The following SIK3 variants were observed in gnomAD, a reference collection of about 807,000 sequenced individuals.
SIK3 encodes the protein serine/threonine-protein kinase SIK3.
In SIK3, 28 loss-of-function variants were observed where a neutral mutation model predicts 144.2. The ratio of observed to expected loss-of-function variants is 0.19; its 90% CI spans 0.14 to 0.27. The LOEUF (loss-of-function observed/expected upper bound fraction) is 0.27, where lower values mean the gene tolerates loss of function less well. Among genes scored for constraint, SIK3 ranks in the 10% least tolerant of loss-of-function variants. The pLI is 1.00. For synonymous variants in SIK3, 686 were observed against 676.3 expected (o/e 1.01, Z -0.22); for missense variants, 1,319 against 1,776.0 (o/e 0.74, Z 4.62).
chr11:117,062,915 T>C (rs1315817026), intron 1 of SIK3, among the ~76,000 whole-genome samples: 1 of 152,190 alleles, frequency 6.6e-6, no homozygotes, highest in Non-Finnish European at 1.5e-5. Flanking sequence ...GAAAAAAACA[T>C]ACGTATTAAA....
At chr11:117,020,211 G>A (rs982788951) in intron 1 of SIK3, among the ~76,000 whole-genome samples, 3 of 106,964 alleles carry the variant, frequency 2.8e-5, no homozygotes, top group Non-Finnish European at 3.7e-5. Flanking sequence ...CATGGGTCGC[G>A]GTGATATTTG....
chr11:116,966,945 C>CAGTG (rs1949571379), intron 1 of SIK3, among the ~76,000 whole-genome samples: 1 of 139,040 alleles, frequency 7.2e-6, no homozygotes, highest in Admixed American at 7.8e-5. Context: ...GTGGAGGTTG[C>CAGTG]AGTGAGTCAA....
intron 1 of SIK3, among the ~76,000 whole-genome samples, chr11:117,031,234 A>G (rs893567771): frequency 1.3e-5 from 2 of 152,028 alleles, no homozygotes; most frequent in African/African-American, 4.8e-5. Context: ...GCCTAGCTCT[A>G]TATCCTAAAC....
chr11:116,847,668 T>G (rs1942086668), intron 22 of SIK3, 60 bp from the exon 23 acceptor site: 6 of 1,604,590 alleles, frequency 3.7e-6, no homozygotes, highest in Non-Finnish European at 4.3e-6. Context: ...AGGCAACCCC[T>G]AGAGACAGCT....
chr11:117,013,381 A>G (rs1042653070), intron 1 of SIK3, among the ~76,000 whole-genome samples: 1 of 152,234 alleles, frequency 6.6e-6, no homozygotes, highest in East Asian at 1.9e-4. Flanking sequence ...AATCCTAGAT[A>G]GGCTGGGACC....
At chr11:116,953,930 T>A in intron 3 of SIK3, 114 bp downstream of exon 3, 1 of 708,282 alleles carries the variant, frequency 1.4e-6, no homozygotes. Flanking sequence ...AATGGCAGGA[T>A]TGAAGAACAG....
intron 6 of SIK3, among the ~76,000 whole-genome samples, chr11:116,894,511 T>C (rs901664066): frequency 6.6e-6 from 1 of 152,228 alleles, no homozygotes. Flanking sequence ...TTGCTCAGGA[T>C]AGAAACTCTG....
chr11:116,955,877 T>C (rs924755099), intron 2 of SIK3, among the ~76,000 whole-genome samples: 5 of 151,664 alleles, frequency 3.3e-5, no homozygotes, highest in African/African-American at 1.2e-4. Context: ...GCTCTAACGC[T>C]GTAGTTTTAA....
chr11:117,032,583 T>C (rs1435396228), intron 1 of SIK3, among the ~76,000 whole-genome samples: 2 of 152,080 alleles, frequency 1.3e-5, no homozygotes, highest in Non-Finnish European at 2.9e-5. Flanking sequence ...CATAGCTCAC[T>C]ACAACCTCAA....
At chr11:116,942,288 A>C (rs1591384008) in intron 3 of SIK3, among the ~76,000 whole-genome samples, 1 of 152,232 alleles carries the variant, frequency 6.6e-6, no homozygotes, top group South Asian at 2.1e-4. Flanking sequence ...AATAAAACTT[A>C]AACGCCATAA....
chr11:116,983,084 G>A (rs138618750), intron 1 of SIK3, among the ~76,000 whole-genome samples: 70 of 151,810 alleles, frequency 4.6e-4, no homozygotes, highest in African/African-American at 1.4e-3. Flanking sequence ...AAAATTAGCC[G>A]GGCGTGGTGG....
intron 1 of SIK3, among the ~76,000 whole-genome samples, chr11:116,961,557 A>G (rs942866134): frequency 6.6e-6 from 1 of 152,248 alleles, no homozygotes; most frequent in Non-Finnish European, 1.5e-5. Context: ...GTAGGTAAAG[A>G]AAAGATAAAC....
chr11:116,963,991 C>A lies in SIK3; in HGVS notation c.274-6927G>T, dbSNP rs767823336. Reference sequence around the variant, plus strand: ...CATGATTAATAACGTGCCACATGACCAAGGTCAGGATGTAGGCTGGCCACA... The same window carrying A: ...CATGATTAATAACGTGCCACATGACAAAGGTCAGGATGTAGGCTGGCCACA... On this transcript the variant is annotated intron_variant, in intron 1 of 24. Transcript: ENST00000445177. Among the ~76,000 whole-genome samples, 70 of 152,216 alleles carry A rather than the reference C, an allele frequency of 4.6e-4. No homozygotes were observed. The Middle Eastern group carries it at 0.034, about 74-fold the overall frequency.
chr11:116,913,708 AAG>A (rs962572045), intron 4 of SIK3, among the ~76,000 whole-genome samples: 48 of 152,306 alleles, frequency 3.2e-4, no homozygotes, highest in African/African-American at 1.1e-3. Context: ...TTAATCAGGT[AAG>A]TTTCTAATAA....
At chr11:117,041,633 T>C (rs1220164818) in intron 1 of SIK3, among the ~76,000 whole-genome samples, 2 of 152,202 alleles carry the variant, frequency 1.3e-5, no homozygotes, top group East Asian at 1.9e-4. Context: ...AGTTCTATAA[T>C]CATTTTTCAG....
rs140428681 is a variant in SIK3, at chr11:116,862,323, C to T, written c.2108G>A (p.Cys703Tyr). Residue 703 changes from cysteine (C) to tyrosine (Y), a missense_variant, in exon 17 of 25, where the codon TGT becomes TAT. Cys to Tyr is a radical substitution (Grantham distance 194). This residue lies in a region of SIK3 where 77 missense variants were observed against 141.9 expected (regional missense o/e 0.54). Coordinates refer to ENST00000445177, the MANE Select transcript of SIK3 (RefSeq NM_001366686.3). Reference protein sequence around the residue: ...NSSIKQLQQECEQLQKMYGGQ... With the variant: ...NSSIKQLQQEYEQLQKMYGGQ... ...CCCGTACATCTTCTGCAGCTGCTCA[C>T]ACTCCTGAAGGGAAAGTAGTTAATA... 6.8e-6 allele frequency: 11 copies of T among 1,614,216 alleles called. No homozygotes were observed. The highest frequency in any genetic ancestry group is 8.5e-6 in the Non-Finnish European group (10 of 1,180,038).
intron 1 of SIK3, among the ~76,000 whole-genome samples, chr11:116,957,350 A>C (rs1949176844): frequency 6.6e-6 from 1 of 152,208 alleles, no homozygotes; most frequent in African/African-American, 2.4e-5. Flanking sequence ...ATTACTCCAT[A>C]GATGTCGTTA....
At chr11:116,874,081 A>G (rs776768098) in intron 11 of SIK3, 25 bp from the exon 12 acceptor site, 7 of 1,612,228 alleles carry the variant, frequency 4.3e-6, no homozygotes, top group Non-Finnish European at 5.9e-6. Flanking sequence ...AATGACAGAG[A>G]AGTTTAGTTA....
intron 1 of SIK3, among the ~76,000 whole-genome samples, chr11:116,981,195 C>T (rs956676010): frequency 3.3e-5 from 5 of 152,182 alleles, no homozygotes; most frequent in African/African-American, 1.2e-4. Flanking sequence ...AAGAGCTTGC[C>T]TCTGCTCCAC....
Sources: allele counts gnomAD v4.1 joint callset (sites outside exome capture counted in the v4.1 genomes callset), GRCh38; gene constraint gnomAD v4.1.1; regional missense constraint gnomAD v4.1.1; transcripts MANE v1.5; gene names NCBI Gene and HGNC (gene_info 2026-07-23, HGNC 2026-07-21).